The following SLC4A4 variants were observed in gnomAD, a reference collection of about 807,000 sequenced individuals.
SLC4A4 encodes the protein solute carrier family 4 member 4.
A neutral mutation model predicts 111.5 loss-of-function variants in SLC4A4; 27 were observed. That is an observed-to-expected ratio of 0.24 (90% CI 0.18 to 0.33). The LOEUF (loss-of-function observed/expected upper bound fraction) is 0.33. Ranked by LOEUF, SLC4A4 falls within the 10% of genes least tolerant of loss-of-function variation. The probability of loss-of-function intolerance (pLI) is 1.00; values close to 1 mark genes in which losing one functional copy is unlikely to be tolerated. For synonymous variants in SLC4A4, 443 were observed against 463.4 expected, an observed-to-expected ratio of 0.96 and a Z score of 0.57; for missense variants, 909 against 1,315.5, an observed-to-expected ratio of 0.69 and a Z score of 4.78.
chr4:71,545,409 G>T (rs1191772203), intron 18 of SLC4A4, among the ~76,000 whole-genome samples: 1 of 151,934 alleles, frequency 6.6e-6, no homozygotes, highest in Non-Finnish European at 1.5e-5. Flanking sequence ...GTCATACTCT[G>T]GCTCTTGGCA....
At chr4:71,078,591 T>A (rs1741910472) in intron 1 of SLC4A4, among the ~76,000 whole-genome samples, 1 of 152,040 alleles carries the variant, frequency 6.6e-6, no homozygotes, top group Non-Finnish European at 1.5e-5. Context: ...AAAGAAAAAA[T>A]AAACACATTG....
intron 2 of SLC4A4, among the ~76,000 whole-genome samples, chr4:71,165,643 T>A (rs924099498): frequency 6.6e-6 from 1 of 152,132 alleles, no homozygotes; most frequent in African/African-American, 2.4e-5. Context: ...CCATGGCACA[T>A]GTATAGCTAT....
chr4:71,343,677 A>G (rs4388052), intron 4 of SLC4A4, among the ~76,000 whole-genome samples: 151,320 of 152,346 alleles, frequency 0.99, 75,156 homozygotes, highest in Middle Eastern at 1. Context: ...ATTCAGTACT[A>G]CTACAACTCT....
At chr4:71,142,408 C>T (rs1246001069) in intron 2 of SLC4A4, among the ~76,000 whole-genome samples, 1 of 152,208 alleles carries the variant, frequency 6.6e-6, no homozygotes, top group Non-Finnish European at 1.5e-5. Context: ...TATAGGGCTA[C>T]TTCAGGCATC....
intron 1 of SLC4A4, among the ~76,000 whole-genome samples, chr4:71,087,766 G>A (rs1742230918): frequency 6.6e-6 from 1 of 152,088 alleles, no homozygotes; most frequent in Admixed American, 6.5e-5. Context: ...TGTGGTCTGA[G>A]AGACTGTTTG....
At chr4:71,355,904 C>G (rs893833007) in intron 5 of SLC4A4, among the ~76,000 whole-genome samples, 2 of 152,120 alleles carry the variant, frequency 1.3e-5, no homozygotes, top group Non-Finnish European at 2.9e-5. Context: ...TAAAGTTTGC[C>G]CAAGTGGAAA....
At chr4:71,294,162 A>G (rs1207015110) in intron 3 of SLC4A4, among the ~76,000 whole-genome samples, 1 of 152,226 alleles carries the variant, frequency 6.6e-6, no homozygotes, top group East Asian at 1.9e-4. Flanking sequence ...CCAAAAATAA[A>G]CTAAATAAAA....
chr4:71,088,927 A>G (rs947096763), intron 1 of SLC4A4, among the ~76,000 whole-genome samples: 2 of 151,808 alleles, frequency 1.3e-5, no homozygotes, highest in African/African-American at 4.9e-5. Flanking sequence ...CATTCTTTGT[A>G]TTTCCTGAAT....
intron 3 of SLC4A4, among the ~76,000 whole-genome samples, chr4:71,304,291 T>C (rs1725513151): frequency 6.6e-6 from 1 of 152,184 alleles, no homozygotes; most frequent in Non-Finnish European, 1.5e-5. Flanking sequence ...AAGCCAGTGG[T>C]GTAATTCATT....
intron 1 of SLC4A4, among the ~76,000 whole-genome samples, chr4:71,232,793 GA>G (rs1186323024): frequency 4.6e-5 from 7 of 152,044 alleles, no homozygotes; most frequent in African/African-American, 1.7e-4. Flanking sequence ...TAGGAAATTT[GA>G]AAAAAAGGCA....
At chr4:71,309,117 C>T (rs1725929246) in intron 3 of SLC4A4, among the ~76,000 whole-genome samples, 3 of 152,146 alleles carry the variant, frequency 2.0e-5, no homozygotes, top group Non-Finnish European at 4.4e-5. Flanking sequence ...GGACGTAACT[C>T]AACACAGCAC....
chr4:71,240,176 C>G (rs370418040), intron 2 of SLC4A4, among the ~76,000 whole-genome samples: 1 of 152,126 alleles, frequency 6.6e-6, no homozygotes, highest in Non-Finnish European at 1.5e-5. Flanking sequence ...AGAAGAAAAT[C>G]CTATGGATGT....
At chr4:71,395,212 T>C (rs547738501) in intron 6 of SLC4A4, among the ~76,000 whole-genome samples, 2 of 152,258 alleles carry the variant, frequency 1.3e-5, no homozygotes, top group Admixed American at 1.3e-4. Flanking sequence ...AGGATTTGTC[T>C]CTGCTTCAAG....
chr4:71,404,847 G>T (rs1015789051), intron 7 of SLC4A4, among the ~76,000 whole-genome samples: 2 of 151,926 alleles, frequency 1.3e-5, no homozygotes, highest in African/African-American at 4.8e-5. Context: ...CCAGGCTGGA[G>T]TACAGTGGCA....
chr4:71,292,044 G>A (rs1391585245), intron 3 of SLC4A4, among the ~76,000 whole-genome samples: 2 of 152,134 alleles, frequency 1.3e-5, no homozygotes, highest in East Asian at 1.9e-4. Context: ...ATTTTAAAAT[G>A]TCCAATAAAT....
intron 2 of SLC4A4, among the ~76,000 whole-genome samples, chr4:71,168,506 A>AT: frequency 6.6e-6 from 1 of 152,128 alleles, no homozygotes; most frequent in East Asian, 1.9e-4. Flanking sequence ...CAATTAAATT[A>AT]TTTTTGACTA....
intron 3 of SLC4A4, among the ~76,000 whole-genome samples, chr4:71,325,716 A>G (rs1193876002): frequency 6.6e-6 from 1 of 151,994 alleles, no homozygotes; most frequent in Non-Finnish European, 1.5e-5. Flanking sequence ...GTGTGGCAAG[A>G]AGTTGTGATA....
chr4:71,312,314 C>A (rs79093972), intron 3 of SLC4A4, among the ~76,000 whole-genome samples: 1 of 152,018 alleles, frequency 6.6e-6, no homozygotes, highest in Non-Finnish European at 1.5e-5. Context: ...CAGGACCTGA[C>A]GGATTCACAG....
chr4:71,263,066 A>G (rs897047023), intron 3 of SLC4A4, among the ~76,000 whole-genome samples: 6 of 126,972 alleles, frequency 4.7e-5, no homozygotes, highest in African/African-American at 1.5e-4. Flanking sequence ...TCATGTGTCC[A>G]TGTGTTCTCG....
Sources: gnomAD v4.1 joint callset for allele counts (sites outside exome capture counted in the v4.1 genomes callset) on GRCh38, gnomAD v4.1.1 for gene constraint, MANE v1.5 for transcripts, NCBI Gene and HGNC (gene_info 2026-07-23, HGNC 2026-07-21) for gene names.